The following SETD3 variants were observed in gnomAD, a reference collection of about 807,000 sequenced individuals.
The protein encoded by SETD3 is actin-histidine N-methyltransferase.
A neutral mutation model predicts 63.0 loss-of-function variants in SETD3; 19 were observed. The observed-to-expected ratio is 0.30, with a 90% CI of 0.21 to 0.44. The LOEUF is 0.44. Ranked by LOEUF, SETD3 falls within the 20% of genes least tolerant of loss-of-function variation. The pLI is 1.00. For synonymous variants in SETD3, 286 were observed against 264.1 expected, an observed-to-expected ratio of 1.08 and a Z score of -0.80; for missense variants, 587 against 728.5, an observed-to-expected ratio of 0.81 and a Z score of 2.24.
chr14:99,455,878 A>T (rs1037788933), intron 6 of SETD3, among the ~76,000 whole-genome samples: 4 of 152,334 alleles, frequency 2.6e-5, no homozygotes, highest in Non-Finnish European at 4.4e-5. Context: ...CTTCAGGCTG[A>T]GCGAGGCGGT....
In SETD3 at chr14:99,473,444, A is replaced by C. The variant is rs114455739; in HGVS notation, c.-9+7284T>G. ...AGGATATTTATTTGTGTATTTCTTG[A>C]GTTCCCTCGAAAATGCTGCTTTCAA... On this transcript the variant is annotated intron_variant, in intron 1 of 12. Coordinates refer to ENST00000331768, the MANE Select transcript of SETD3 (RefSeq NM_032233.3). Among the ~76,000 whole-genome samples, 1,093 of 152,288 alleles carry C rather than the reference A, an allele frequency of 7.2e-3. 8 individuals are homozygous for C. The highest frequency in any genetic ancestry group is 0.024 in the African/African-American group (1,008 of 41,554).
At chr14:99,482,859 C>A (rs1430471879), upstream of SETD3, among the ~76,000 whole-genome samples, 1 of 51,598 alleles carries the variant, frequency 1.9e-5, no homozygotes, top group Non-Finnish European at 4.4e-5. Flanking sequence ...AAAGCAGTGA[C>A]TCTGCTGAGT....
intron 8 of SETD3, 97 bp downstream of exon 8, chr14:99,412,854 G>C (rs563387669): frequency 1.8e-4 from 150 of 841,486 alleles, no homozygotes; most frequent in Non-Finnish European, 2.7e-4. Context: ...GAGGCAACGG[G>C]GGGAGTACGA....
chr14:99,413,129 A>T, intron 7 of SETD3, 64 bp from the exon 8 acceptor site: 1 of 919,422 alleles, frequency 1.1e-6, no homozygotes, highest in Non-Finnish European at 1.7e-6. Flanking sequence ...GTAAGAAATA[A>T]CATAACCAAA....
intron 1 of SETD3, among the ~76,000 whole-genome samples, chr14:99,467,784 G>A (rs1895473411): frequency 6.6e-6 from 1 of 152,100 alleles, no homozygotes; most frequent in African/African-American, 2.4e-5. Flanking sequence ...CTGGGACAGG[G>A]CTGTTCTGCA....
rs1595158843 is a variant in SETD3, at chr14:99,412,883, G to A, written c.849+68C>T. 6.3e-6 allele frequency: 7 copies of A among 1,103,662 alleles called. 1 individual carries two copies. The Middle Eastern group carries it at 6.3e-4, about 100-fold the overall frequency. 68.4% of individuals were successfully genotyped at this position (1,103,662 alleles called of 1,614,324 possible). A position where few individuals can be genotyped will look rare whatever the true frequency, so the allele number is the denominator to read the frequency against. ...AGTACGATGGGTAGGTGGAATAACA[G>A]CCCCCTCCCAAAGCTTAGCAACAAC... On this transcript the variant is annotated intron_variant, in intron 8 of 12. Coordinates refer to ENST00000331768, the MANE Select transcript of SETD3 (RefSeq NM_032233.3).
intron 7 of SETD3, 25 bp from the exon 8 acceptor site, chr14:99,413,090 A>G (rs1187563105): frequency 7.0e-7 from 1 of 1,432,764 alleles, no homozygotes; most frequent in African/African-American, 1.4e-5. Flanking sequence ...ATGGTGACTT[A>G]AGGTTGGAAC....
chr14:99,432,273 G>T (rs953642695), intron 6 of SETD3, among the ~76,000 whole-genome samples: 1 of 152,140 alleles, frequency 6.6e-6, no homozygotes, highest in Non-Finnish European at 1.5e-5. Flanking sequence ...TTAACAGCAT[G>T]CTTTAGAGTC....
At chr14:99,420,877 C>T (rs1410358999) in intron 6 of SETD3, among the ~76,000 whole-genome samples, 1 of 134,914 alleles carries the variant, frequency 7.4e-6, no homozygotes, top group Non-Finnish European at 1.5e-5. Context: ...TGGGAACCTG[C>T]CAGGTCATCC....
intron 6 of SETD3, among the ~76,000 whole-genome samples, chr14:99,439,616 T>C (rs11849155): frequency 0.027 from 3,949 of 147,904 alleles, 168 homozygotes; most frequent in African/African-American, 0.091. Flanking sequence ...GTATTAAATA[T>C]ATAAACATAT....
intron 7 of SETD3, 99 bp from the exon 8 acceptor site, chr14:99,413,164 C>A (rs897814268): frequency 3.1e-6 from 2 of 652,060 alleles, no homozygotes; most frequent in Non-Finnish European, 5.5e-6. Flanking sequence ...CTCTTACAAA[C>A]GTACAAAGTC....
the SETD3 span, among the ~76,000 whole-genome samples, chr14:99,486,026 A>G: frequency 6.6e-6 from 1 of 152,220 alleles, no homozygotes; most frequent in Non-Finnish European, 1.5e-5. Context: ...CAAATTACCC[A>G]TTTAAACTGT....
At chr14:99,450,812 A>G (rs1374516832) in intron 6 of SETD3, among the ~76,000 whole-genome samples, 2 of 152,198 alleles carry the variant, frequency 1.3e-5, no homozygotes, top group African/African-American at 2.4e-5. Flanking sequence ...AATAGTAGTA[A>G]TAAATTTAAT....
rs2139773144 is a variant in SETD3 at position 99,458,505 on chromosome 14, T to C, written c.449A>G (p.Gln150Arg). 1 of 1,614,188 alleles carries C rather than the reference T, an allele frequency of 6.2e-7. No homozygotes were observed. The highest frequency in any genetic ancestry group is 8.5e-7 in the Non-Finnish European group (1 of 1,180,026). The change falls in exon 6 of 13, where the codon CAA (glutamine) becomes CGA (arginine). Residue 150 changes from glutamine (Q) to arginine (R), a missense_variant. Transcript: ENST00000331768. ...GPLYSQDRIL[Q>R]AMGNIALAFH... ...GGCCAGTGCGATGTTTCCCATGGCT[T>C]GAAGGATTCGGTCTTGAGAATATAA...
the SETD3 span, among the ~76,000 whole-genome samples, chr14:99,486,135 T>G: frequency 2.6e-5 from 4 of 152,258 alleles, no homozygotes; most frequent in Non-Finnish European, 5.9e-5. Context: ...AAACTTTCCT[T>G]AGTTCCTTGT....
chr14:99,421,649 C>A (rs964370425), intron 6 of SETD3, among the ~76,000 whole-genome samples: 2 of 152,046 alleles, frequency 1.3e-5, no homozygotes, highest in Non-Finnish European at 1.5e-5. Flanking sequence ...ATTTGCTGAG[C>A]GCTCTGTGCC....
chr14:99,447,253 G>A (rs547402453), intron 6 of SETD3, among the ~76,000 whole-genome samples: 32 of 152,158 alleles, frequency 2.1e-4, no homozygotes, highest in Non-Finnish European at 3.5e-4. Flanking sequence ...GATTAAAGGC[G>A]TGAGCCACTG....
At chr14:99,484,284 A>G (rs1369168158), upstream of SETD3, among the ~76,000 whole-genome samples, 4 of 152,268 alleles carry the variant, frequency 2.6e-5, no homozygotes, top group Non-Finnish European at 5.9e-5. Context: ...TTGTGAGGAT[A>G]AGAAAACTAG....
At chr14:99,445,327 T>C (rs923521990) in intron 6 of SETD3, among the ~76,000 whole-genome samples, 5 of 152,256 alleles carry the variant, frequency 3.3e-5, no homozygotes, top group Non-Finnish European at 7.3e-5. Flanking sequence ...CAACTCACTA[T>C]ACATTCACTC....
Sources: gnomAD v4.1 joint callset for allele counts (sites outside exome capture counted in the v4.1 genomes callset) on GRCh38, gnomAD v4.1.1 for gene constraint, MANE v1.5 for transcripts, NCBI Gene and HGNC (gene_info 2026-07-23, HGNC 2026-07-21) for gene names.